ZNF892: variants seen among roughly 807,000 people sequenced by gnomAD.
ZNF892 encodes the protein zinc finger protein 570-like.
chr2:95,257,142 A>C, the ZNF892 span, among the ~76,000 whole-genome samples: 5 of 152,048 alleles, frequency 3.3e-5, no homozygotes, highest in Non-Finnish European at 7.4e-5. Context: ...GGAGGAGGAG[A>C]GGCGCTCTGA....
At chr2:95,242,616 A>T in the ZNF892 span, among the ~76,000 whole-genome samples, 2 of 152,222 alleles carry the variant, frequency 1.3e-5, no homozygotes, top group Admixed American at 6.5e-5. Flanking sequence ...TAGCATCATG[A>T]TGACAGGATC....
At chr2:95,220,013 A>G in the ZNF892 span, among the ~76,000 whole-genome samples, 1 of 152,268 alleles carries the variant, frequency 6.6e-6, no homozygotes, top group Non-Finnish European at 1.5e-5. Context: ...CTGACCCCCC[A>G]CTTGGCTTCC....
At chr2:95,253,269 A>C in the ZNF892 span, among the ~76,000 whole-genome samples, 1 of 152,200 alleles carries the variant, frequency 6.6e-6, no homozygotes, top group Non-Finnish European at 1.5e-5. Context: ...TATAAGGTGT[A>C]AGGAAGGGAT....
chr2:95,244,205 G>T, the ZNF892 span, among the ~76,000 whole-genome samples: 1 of 149,226 alleles, frequency 6.7e-6, no homozygotes, highest in Non-Finnish European at 1.5e-5. Flanking sequence ...CAAACACTGC[G>T]GAAGGCCGCA....
chr2:95,207,747 G>T, the ZNF892 span: 1 of 398,300 alleles, frequency 2.5e-6, no homozygotes, highest in South Asian at 1.3e-4. Context: ...TGGGGGACCC[G>T]AGCGGCGGAC....
At chr2:95,245,006 A>G in the ZNF892 span, among the ~76,000 whole-genome samples, 1 of 152,208 alleles carries the variant, frequency 6.6e-6, no homozygotes, top group Non-Finnish European at 1.5e-5. Flanking sequence ...ACAAAGAGAC[A>G]ACATACCAGA....
At chr2:95,257,704 G>A in the ZNF892 span, among the ~76,000 whole-genome samples, 1 of 152,210 alleles carries the variant, frequency 6.6e-6, no homozygotes, top group South Asian at 2.1e-4. Flanking sequence ...CTTGAGCTGT[G>A]GTGGGCTCCA....
At chr2:95,231,527 A>C in the ZNF892 span, among the ~76,000 whole-genome samples, 1 of 152,206 alleles carries the variant, frequency 6.6e-6, no homozygotes, top group Non-Finnish European at 1.5e-5. Context: ...ATGTATATAA[A>C]ATTTTCCTAA....
chr2:95,243,740 G>A, the ZNF892 span, among the ~76,000 whole-genome samples: 79,462 of 150,206 alleles, frequency 0.53, 21,537 homozygotes, highest in Non-Finnish European at 0.58. Context: ...CACCCCGCCC[G>A]GCCAGCCGCC....
At chr2:95,234,474 T>C in the ZNF892 span, among the ~76,000 whole-genome samples, 112 of 152,324 alleles carry the variant, frequency 7.4e-4, 1 homozygote, top group Non-Finnish European at 8.8e-4. Flanking sequence ...AAGGAGACTC[T>C]GGACGGACGG....
the ZNF892 span, among the ~76,000 whole-genome samples, chr2:95,229,171 G>A: frequency 4.6e-5 from 7 of 152,124 alleles, no homozygotes; most frequent in Admixed American, 4.6e-4. Context: ...GCTGTGTCAT[G>A]GGCATGTCCT....
the ZNF892 span, among the ~76,000 whole-genome samples, chr2:95,234,252 A>C: frequency 6.6e-6 from 1 of 152,240 alleles, no homozygotes; most frequent in African/African-American, 2.4e-5. Context: ...GCGCTCAATG[A>C]GGAGCATTTA....
the ZNF892 span, among the ~76,000 whole-genome samples, chr2:95,225,152 A>G: frequency 6.6e-6 from 1 of 152,254 alleles, no homozygotes; most frequent in Admixed American, 6.5e-5. Context: ...TTTATGTTAT[A>G]GAATATATTA....
chr2:95,207,533 T>A, the ZNF892 span: 1 of 329,388 alleles, frequency 3.0e-6, no homozygotes, highest in African/African-American at 2.1e-5. Flanking sequence ...TTCGGCCTCA[T>A]GGTTGGCCGG....
At chr2:95,230,322 A>G in the ZNF892 span, among the ~76,000 whole-genome samples, 1 of 152,218 alleles carries the variant, frequency 6.6e-6, no homozygotes, top group South Asian at 2.1e-4. Flanking sequence ...CCACTAAGGT[A>G]CTTATCCATG....
At chr2:95,263,184 G>A in the ZNF892 span, among the ~76,000 whole-genome samples, 1 of 152,216 alleles carries the variant, frequency 6.6e-6, no homozygotes, top group Non-Finnish European at 1.5e-5. Context: ...AGATTCCAAA[G>A]GTGAGGAGGA....
At chr2:95,209,175 TG>T in the ZNF892 span, among the ~76,000 whole-genome samples, 1 of 152,118 alleles carries the variant, frequency 6.6e-6, no homozygotes, top group African/African-American at 2.4e-5. Flanking sequence ...GGGATAAATC[TG>T]TACTTTGAAA....
the ZNF892 span, among the ~76,000 whole-genome samples, chr2:95,256,170 T>C: frequency 6.6e-6 from 1 of 152,350 alleles, no homozygotes; most frequent in East Asian, 1.9e-4. Flanking sequence ...CTAGCCTTGA[T>C]GGTCTTTACA....
the ZNF892 span, among the ~76,000 whole-genome samples, chr2:95,247,403 TCCTAGAAGAAAA>T: frequency 6.6e-6 from 1 of 152,074 alleles, no homozygotes; most frequent in Non-Finnish European, 1.5e-5. Flanking sequence ...AGTATAAGAA[TCCTAGAAGAAAA>T]CCTAGAAGAC....
Sources: gnomAD v4.1 joint callset for allele counts (sites outside exome capture counted in the v4.1 genomes callset) on GRCh38, gnomAD v4.1.1 for gene constraint, MANE v1.5 for transcripts, NCBI Gene and HGNC (gene_info 2026-07-23, HGNC 2026-07-21) for gene names.